The following CDK5RAP2 variants were observed in gnomAD, a reference collection of about 807,000 sequenced individuals.
CDK5RAP2 encodes CDK5 regulatory subunit-associated protein 2.
A neutral mutation model predicts 232.9 loss-of-function variants in CDK5RAP2; 147 were observed. That is an observed-to-expected ratio of 0.63 (90% CI 0.55 to 0.72). CDK5RAP2 has a LOEUF of 0.72. CDK5RAP2 is among the 30% of genes least tolerant of loss of function. The pLI, the probability that CDK5RAP2 is intolerant of heterozygous loss-of-function variation, is 0.00. For missense variants in CDK5RAP2, 2,195 were observed against 2,231.5 expected (o/e 0.98, Z 0.33); for synonymous variants, 833 against 833.7 (o/e 1.00, Z 0.01).
At chr9:120,425,987 A>C (rs2034873464) in intron 25 of CDK5RAP2, among the ~76,000 whole-genome samples, 1 of 152,182 alleles carries the variant, frequency 6.6e-6, no homozygotes, top group Non-Finnish European at 1.5e-5. Flanking sequence ...TCTGGCCTGG[A>C]CCATCAAGGA....
chr9:120,459,345 G>A (rs1424028968), intron 19 of CDK5RAP2, among the ~76,000 whole-genome samples: 1 of 152,118 alleles, frequency 6.6e-6, no homozygotes, highest in Non-Finnish European at 1.5e-5. Flanking sequence ...CCTATCCAAA[G>A]CTGTAAATTT....
intron 22 of CDK5RAP2, among the ~76,000 whole-genome samples, chr9:120,445,011 C>T (rs2036103364): frequency 6.6e-6 from 1 of 152,196 alleles, no homozygotes; most frequent in African/African-American, 2.4e-5. Context: ...CAATCCCTGA[C>T]CCACTCTGGA....
At chr9:120,542,630 T>G (rs2041683172) in intron 5 of CDK5RAP2, among the ~76,000 whole-genome samples, 1 of 152,126 alleles carries the variant, frequency 6.6e-6, no homozygotes, top group African/African-American at 2.4e-5. Flanking sequence ...ACATGGAACC[T>G]AGTGCTGAAC....
intron 23 of CDK5RAP2, among the ~76,000 whole-genome samples, chr9:120,443,024 G>A (rs1044646466): frequency 3.3e-5 from 5 of 152,074 alleles, no homozygotes; most frequent in African/African-American, 1.2e-4. Flanking sequence ...GGTTGAATGA[G>A]AACATGAGTA....
At chr9:120,456,928 T>C (rs1050143984) in intron 20 of CDK5RAP2, among the ~76,000 whole-genome samples, 3 of 152,218 alleles carry the variant, frequency 2.0e-5, no homozygotes, top group Non-Finnish European at 4.4e-5. Flanking sequence ...TTCATTAAGC[T>C]ATCACTATAA....
At chr9:120,556,449 G>A (rs1395774313) in intron 3 of CDK5RAP2, among the ~76,000 whole-genome samples, 2 of 145,898 alleles carry the variant, frequency 1.4e-5, no homozygotes, top group Non-Finnish European at 3.0e-5. Flanking sequence ...TTTTTTTTGA[G>A]ACAGAGTCTC....
chr9:120,402,329 T>TCAATC (rs2033099047), intron 34 of CDK5RAP2, among the ~76,000 whole-genome samples: 1 of 151,720 alleles, frequency 6.6e-6, no homozygotes, highest in Non-Finnish European at 1.5e-5. Flanking sequence ...CAACAAAACC[T>TCAATC]CAACAAAAAC....
At chr9:120,434,093 G>C (rs2035436467) in intron 25 of CDK5RAP2, among the ~76,000 whole-genome samples, 1 of 152,244 alleles carries the variant, frequency 6.6e-6, no homozygotes, top group Non-Finnish European at 1.5e-5. Context: ...CGAGATGGTT[G>C]TGGGTAGAAC....
In CDK5RAP2 at chr9:120,479,313, T is replaced by C. The variant is rs148141789; in HGVS notation, c.1627-1863A>G. On this transcript the variant is annotated intron_variant, in intron 14 of 37. Coordinates refer to ENST00000349780, the MANE Select transcript of CDK5RAP2 (RefSeq NM_018249.6). ...TAGAAAAATCACCCTTCGCCAACCA[T>C]CACAGTAATAAATAATTCAGCCAAG... Among the ~76,000 whole-genome samples the C allele has an allele frequency of 1.4e-3, 209 of 152,200 alleles. 1 individual carries two copies. Among genetic ancestry groups the C allele is most frequent in the South Asian group, 8.9e-3 (43 of 4,816 alleles).
At position 120,471,889 on chromosome 9, in the gene CDK5RAP2, C is replaced by A; in HGVS notation, c.1728-11G>T. ...TGCAGGTTGTTGATACTTGGTAAAA[C>A]AAGACACCAGAAGTTTTAAAACAGA... On this transcript the variant is annotated splice_polypyrimidine_tract_variant and intron_variant, in intron 15 of 37. Coordinates refer to ENST00000349780, the MANE Select transcript of CDK5RAP2 (RefSeq NM_018249.6). 1 of 1,614,004 alleles carries A rather than the reference C, an allele frequency of 6.2e-7. No homozygotes were observed. Among genetic ancestry groups the A allele is most frequent in the Non-Finnish European group, 8.5e-7 (1 of 1,179,926 alleles).
intron 9 of CDK5RAP2, 64 bp downstream of exon 9, chr9:120,528,680 A>G: frequency 9.8e-7 from 1 of 1,021,864 alleles, no homozygotes; most frequent in East Asian, 2.4e-5. Flanking sequence ...CTGCACTCAG[A>G]ATAAAACAAG....
At chr9:120,562,100 GT>G (rs2042482654) in intron 3 of CDK5RAP2, among the ~76,000 whole-genome samples, 1 of 152,110 alleles carries the variant, frequency 6.6e-6, no homozygotes, top group Non-Finnish European at 1.5e-5. Context: ...CTTCCTTCCA[GT>G]TTTTCACAAT....
chr9:120,402,054 G>A (rs971161688), intron 34 of CDK5RAP2, among the ~76,000 whole-genome samples: 1 of 152,120 alleles, frequency 6.6e-6, no homozygotes, highest in Non-Finnish European at 1.5e-5. Context: ...CACTTTAGGA[G>A]GCCAAGGTGG....
At chr9:120,395,759 T>C (rs2032410149) in intron 35 of CDK5RAP2, among the ~76,000 whole-genome samples, 1 of 152,092 alleles carries the variant, frequency 6.6e-6, no homozygotes, top group African/African-American at 2.4e-5. Flanking sequence ...ATATGTGTAT[T>C]AAAAGAGAGA....
chr9:120,434,915 A>G (rs1431725104), intron 25 of CDK5RAP2, among the ~76,000 whole-genome samples: 4 of 152,242 alleles, frequency 2.6e-5, no homozygotes, highest in Non-Finnish European at 5.9e-5. Context: ...GGGAATGGAA[A>G]GCAATACTAC....
chr9:120,476,489 C>T (rs2038017460), intron 15 of CDK5RAP2, among the ~76,000 whole-genome samples: 2 of 152,068 alleles, frequency 1.3e-5, no homozygotes, highest in South Asian at 2.1e-4. Flanking sequence ...ACCATCCTGG[C>T]TAACATGGTG....
intron 21 of CDK5RAP2, among the ~76,000 whole-genome samples, chr9:120,449,593 C>A (rs2036376463): frequency 6.6e-6 from 1 of 152,146 alleles, no homozygotes; most frequent in Admixed American, 6.5e-5. Context: ...TCTCTTCCAA[C>A]TGGGGAATTT....
chr9:120,412,176 T>A (rs1229506819), intron 28 of CDK5RAP2, among the ~76,000 whole-genome samples: 1 of 152,182 alleles, frequency 6.6e-6, no homozygotes, highest in Non-Finnish European at 1.5e-5. Flanking sequence ...CAAAAGACAA[T>A]CACACAACAA....
intron 25 of CDK5RAP2, among the ~76,000 whole-genome samples, chr9:120,428,739 C>G (rs2035082023): frequency 6.6e-6 from 1 of 152,184 alleles, no homozygotes; most frequent in Non-Finnish European, 1.5e-5. Flanking sequence ...AAGAGGGAAT[C>G]CTCCCTAACT....
Sources: allele counts gnomAD v4.1 joint callset (sites outside exome capture counted in the v4.1 genomes callset), GRCh38; gene constraint gnomAD v4.1.1; transcripts MANE v1.5; gene names NCBI Gene and HGNC (gene_info 2026-07-23, HGNC 2026-07-21).